PTPRM: variants seen among roughly 807,000 people sequenced by gnomAD.
The protein encoded by PTPRM is receptor-type tyrosine-protein phosphatase mu.
In PTPRM, 47 loss-of-function variants were observed where a neutral mutation model predicts 186.7. The observed-to-expected ratio is 0.25, with a 90% confidence interval of 0.20 to 0.32. The LOEUF is 0.32. Among genes scored for constraint, PTPRM ranks in the 10% least tolerant of loss-of-function variants. PTPRM has a pLI of 1.00. For missense variants in PTPRM, 1,494 were observed against 1,865.0 expected (o/e 0.80, Z 3.66); for synonymous variants, 668 against 674.9 (o/e 0.99, Z 0.16).
chr18:7,960,669 G>A (rs1172009367), intron 7 of PTPRM, among the ~76,000 whole-genome samples: 1 of 151,698 alleles, frequency 6.6e-6, no homozygotes, highest in Non-Finnish European at 1.5e-5. Flanking sequence ...GAGATAGGAG[G>A]ATAACTTGAG....
At chr18:7,633,423 T>G (rs1273538271) in intron 1 of PTPRM, among the ~76,000 whole-genome samples, 3 of 152,134 alleles carry the variant, frequency 2.0e-5, no homozygotes, top group East Asian at 3.9e-4. Flanking sequence ...TTCACATCCT[T>G]TCTGGTTTCT....
intron 2 of PTPRM, among the ~76,000 whole-genome samples, chr18:7,817,091 C>G (rs555290063): frequency 1.7e-4 from 26 of 151,494 alleles, no homozygotes; most frequent in African/African-American, 6.3e-4. Flanking sequence ...TCTCTTGCCT[C>G]AGCCTCCCGA....
chr18:7,901,683 CTCT>C (rs983191827), intron 3 of PTPRM, among the ~76,000 whole-genome samples: 19 of 152,112 alleles, frequency 1.2e-4, no homozygotes, highest in African/African-American at 4.6e-4. Context: ...TGTTTTAATC[CTCT>C]TGTTTGTTAG....
chr18:7,983,097 T>A (rs1485106270), intron 7 of PTPRM, among the ~76,000 whole-genome samples: 5 of 151,954 alleles, frequency 3.3e-5, no homozygotes, highest in Non-Finnish European at 7.4e-5. Context: ...TGTACTTTCA[T>A]ATAAAGTAGG....
intron 7 of PTPRM, among the ~76,000 whole-genome samples, chr18:8,057,309 CAATGTGTTTTAAAGGTTTTATTACTTA>C (rs1238238642): frequency 1.3e-5 from 2 of 151,446 alleles, no homozygotes; most frequent in Non-Finnish European, 2.9e-5. Context: ...TTGTACTTTT[CAATGTGTTTTAAAGGTTTTATTACTTA>C]AAACTTCAAA....
chr18:8,020,343 A>T (rs776225135), intron 7 of PTPRM, among the ~76,000 whole-genome samples: 9 of 152,092 alleles, frequency 5.9e-5, no homozygotes, highest in Non-Finnish European at 1.0e-4. Context: ...AGAAGGAGAG[A>T]GAGTCCAGGC....
chr18:7,888,556 TA>T (rs1306478420), intron 3 of PTPRM, among the ~76,000 whole-genome samples, 179 bp downstream of exon 3: 1 of 152,224 alleles, frequency 6.6e-6, no homozygotes, highest in Non-Finnish European at 1.5e-5. Flanking sequence ...AGCCCCTTTG[TA>T]AAGCAGCTTG....
intron 23 of PTPRM, among the ~76,000 whole-genome samples, chr18:8,344,474 A>ATATATATCTC (rs1318982857): frequency 1.4e-4 from 20 of 147,288 alleles, no homozygotes; most frequent in African/African-American, 4.9e-4. Context: ...ATATATATAT[A>ATATATATCTC]TCTAGCAAAA....
rs73939447 is a variant in PTPRM at position 8,368,291 on chromosome 18, C to T, written c.3055-2599C>T. Among the ~76,000 whole-genome samples the T allele has an allele frequency of 3.9e-3, 594 of 151,672 alleles. 4 individuals carry two copies. The highest frequency in any genetic ancestry group is 0.014 in the African/African-American group (562 of 41,330). ...ATTGTTACTGTCAAATTAGACATCT[C>T]CACAAATATACATGATCTGCTCAAA... On this transcript the variant is annotated intron_variant, in intron 23 of 32. Transcript: ENST00000580170.
chr18:8,070,398 C>T (rs922647525), intron 8 of PTPRM, among the ~76,000 whole-genome samples: 4 of 114,402 alleles, frequency 3.5e-5, no homozygotes, highest in African/African-American at 1.2e-4. Flanking sequence ...CATTCTGAAA[C>T]ATTTTTCATA....
intron 7 of PTPRM, among the ~76,000 whole-genome samples, chr18:8,055,812 G>A (rs571308162): frequency 6.6e-6 from 1 of 152,302 alleles, no homozygotes; most frequent in Non-Finnish European, 1.5e-5. Context: ...GGTACTGACT[G>A]CAGATACTTT....
At chr18:7,994,134 T>C (rs1410205472) in intron 7 of PTPRM, among the ~76,000 whole-genome samples, 2 of 152,006 alleles carry the variant, frequency 1.3e-5, no homozygotes, top group Non-Finnish European at 2.9e-5. Flanking sequence ...AAATAATTTA[T>C]GCAAAAAGAA....
At chr18:8,359,854 G>A (rs1288771132) in intron 23 of PTPRM, among the ~76,000 whole-genome samples, 1 of 152,240 alleles carries the variant, frequency 6.6e-6, no homozygotes, top group Non-Finnish European at 1.5e-5. Context: ...TTGAAAGTCA[G>A]TTTTTCTCCC....
At chr18:7,882,672 T>A (rs2048569270) in intron 2 of PTPRM, among the ~76,000 whole-genome samples, 1 of 152,244 alleles carries the variant, frequency 6.6e-6, no homozygotes, top group Admixed American at 6.5e-5. Context: ...AGCCAAAGTA[T>A]TGAAGAAGCC....
chr18:7,860,083 T>A (rs894677629), intron 2 of PTPRM, among the ~76,000 whole-genome samples: 2 of 152,214 alleles, frequency 1.3e-5, no homozygotes, highest in African/African-American at 2.4e-5. Context: ...TATTTTATTT[T>A]TTTTTTTGAG....
chr18:8,293,123 A>G (rs1282161337), intron 19 of PTPRM, among the ~76,000 whole-genome samples: 2 of 152,190 alleles, frequency 1.3e-5, no homozygotes, highest in African/African-American at 4.8e-5. Context: ...TGCTCTCATA[A>G]TAAGTGCTCA....
intron 7 of PTPRM, among the ~76,000 whole-genome samples, chr18:8,064,513 T>C (rs2088898743): frequency 6.6e-6 from 1 of 152,208 alleles, no homozygotes; most frequent in Non-Finnish European, 1.5e-5. Context: ...CATTTTTTGA[T>C]TTTTGTTATG....
chr18:7,840,383 G>T (rs2046265118), intron 2 of PTPRM, among the ~76,000 whole-genome samples: 1 of 152,124 alleles, frequency 6.6e-6, no homozygotes, highest in African/African-American at 2.4e-5. Flanking sequence ...ACTTATTGGA[G>T]GACACATATA....
At chr18:7,589,205 A>G (rs948103616) in intron 1 of PTPRM, among the ~76,000 whole-genome samples, 1 of 152,204 alleles carries the variant, frequency 6.6e-6, no homozygotes, top group African/African-American at 2.4e-5. Flanking sequence ...GAAGCCCTCC[A>G]GCGAATGTCT....
Sources: allele counts gnomAD v4.1 joint callset (sites outside exome capture counted in the v4.1 genomes callset), GRCh38; gene constraint gnomAD v4.1.1; transcripts MANE v1.5; gene names NCBI Gene and HGNC (gene_info 2026-07-23, HGNC 2026-07-21).